Variants in MAGI3 observed in about 807,000 individuals in gnomAD.
MAGI3 encodes membrane associated guanylate kinase, WW and PDZ domain containing 3.
In MAGI3, 43 loss-of-function variants were observed where a neutral mutation model predicts 121.8. The ratio of observed to expected loss-of-function variants is 0.35; its 90% CI spans 0.28 to 0.46. MAGI3 has a LOEUF of 0.46. MAGI3 is among the 20% of genes least tolerant of loss of function. The pLI, the probability that MAGI3 is intolerant of heterozygous loss-of-function variation, is 1.00. For missense variants in MAGI3, 1,547 were observed against 1,797.3 expected (o/e 0.86, Z 2.52); for synonymous variants, 553 against 639.3 (o/e 0.86, Z 2.04).
intron 1 of MAGI3, among the ~76,000 whole-genome samples, chr1:113,514,179 A>C (rs1657766283): frequency 6.6e-6 from 1 of 152,224 alleles, no homozygotes; most frequent in African/African-American, 2.4e-5. Flanking sequence ...CATTGGTGGG[A>C]CTGTAAACTA....
chr1:113,557,465 C>T (rs892000312), intron 2 of MAGI3, among the ~76,000 whole-genome samples: 12 of 152,020 alleles, frequency 7.9e-5, no homozygotes, highest in African/African-American at 1.9e-4. Context: ...TTTCTTTAAG[C>T]GGGACTCTGA....
intron 8 of MAGI3, among the ~76,000 whole-genome samples, chr1:113,621,616 A>G (rs1221709213): frequency 1.3e-5 from 2 of 151,682 alleles, no homozygotes; most frequent in Non-Finnish European, 2.9e-5. Flanking sequence ...AATAGCCAAA[A>G]AGTGGAAATA....
chr1:113,621,949 A>G (rs1277671401), intron 8 of MAGI3, among the ~76,000 whole-genome samples: 1 of 152,056 alleles, frequency 6.6e-6, no homozygotes, highest in Non-Finnish European at 1.5e-5. Context: ...TAGGATATGG[A>G]TGTGGGTTGG....
chr1:113,530,186 C>T (rs1051789301), intron 1 of MAGI3, among the ~76,000 whole-genome samples: 1 of 151,984 alleles, frequency 6.6e-6, no homozygotes, highest in South Asian at 2.1e-4. Flanking sequence ...ATGACCATAG[C>T]CACAGTTTCT....
chr1:113,536,159 T>TAAA (rs71090707), intron 1 of MAGI3, among the ~76,000 whole-genome samples: 8,488 of 147,620 alleles, frequency 0.057, 273 homozygotes, highest in Non-Finnish European at 0.075. Context: ...TTTTTTTTTT[T>TAAA]AAAAAAATTT....
chr1:113,522,312 C>A (rs551825722), intron 1 of MAGI3, among the ~76,000 whole-genome samples: 1 of 152,282 alleles, frequency 6.6e-6, no homozygotes, highest in South Asian at 2.1e-4. Flanking sequence ...ACCATGTTGG[C>A]CAGGCTGGCC....
In MAGI3 at chr1:113,500,519, A is replaced by T. The variant is rs1657039301; in HGVS notation, c.317-48996A>T. Among the ~76,000 whole-genome samples the T allele has an allele frequency of 5.2e-5, 2 of 38,168 alleles. 1 individual carries two copies. The allele number at this position is 38,168 out of a possible 152,430, so 25.0% of individuals were successfully genotyped here. On this transcript the variant is annotated intron_variant, in intron 1 of 20. Transcript: ENST00000307546. ...ACTCTCCCAAGACTAAAACAGGAAG[A>T]AGTTGAATCTCTGAATGGACCAATA...
chr1:113,528,259 G>T (rs1658542887), intron 1 of MAGI3, among the ~76,000 whole-genome samples: 1 of 146,804 alleles, frequency 6.8e-6, no homozygotes, highest in South Asian at 2.1e-4. Flanking sequence ...TACCTCTTTA[G>T]TCTCTTTTGT....
intron 16 of MAGI3, among the ~76,000 whole-genome samples, chr1:113,662,511 C>T (rs1205914592): frequency 6.6e-6 from 1 of 152,066 alleles, no homozygotes; most frequent in Non-Finnish European, 1.5e-5. Context: ...TAAGAGTGAA[C>T]ATGACTTACC....
chr1:113,601,961 CT>C (rs1649415824), intron 6 of MAGI3, among the ~76,000 whole-genome samples: 4 of 151,644 alleles, frequency 2.6e-5, no homozygotes, highest in African/African-American at 9.7e-5. Flanking sequence ...TCTCAGTAAA[CT>C]ATCGCAAGAA....
intron 1 of MAGI3, among the ~76,000 whole-genome samples, chr1:113,455,957 C>A (rs548060175): frequency 1.4e-4 from 20 of 146,774 alleles, no homozygotes; most frequent in African/African-American, 5.0e-4. Flanking sequence ...TTTTCTCTCT[C>A]TTTTTTTTTT....
intron 1 of MAGI3, among the ~76,000 whole-genome samples, chr1:113,410,569 A>G (rs1651922510): frequency 6.6e-6 from 1 of 151,954 alleles, no homozygotes; most frequent in African/African-American, 2.4e-5. Context: ...TTTTCATACT[A>G]AATTGTCTCA....
chr1:113,541,154 G>A (rs1659273813), intron 1 of MAGI3, among the ~76,000 whole-genome samples: 1 of 152,200 alleles, frequency 6.6e-6, no homozygotes, highest in Non-Finnish European at 1.5e-5. Flanking sequence ...CATGTGTAAG[G>A]AAACCAGCAG....
chr1:113,486,748 C>T (rs1311293578), intron 1 of MAGI3, among the ~76,000 whole-genome samples: 1 of 150,010 alleles, frequency 6.7e-6, no homozygotes, highest in Non-Finnish European at 1.5e-5. Context: ...ACCTCCTGGG[C>T]TTGAGTGATC....
intron 1 of MAGI3, among the ~76,000 whole-genome samples, chr1:113,475,277 G>A (rs776241136): frequency 3.9e-5 from 6 of 152,120 alleles, no homozygotes; most frequent in Non-Finnish European, 7.3e-5. Flanking sequence ...ACACTGTGTC[G>A]AATAGGAGTG....
chr1:113,419,442 T>C (rs1440680046), intron 1 of MAGI3, among the ~76,000 whole-genome samples: 3 of 152,152 alleles, frequency 2.0e-5, no homozygotes, highest in African/African-American at 7.2e-5. Context: ...TCATTTCAAC[T>C]TGATATTGAG....
At position 113,511,519 on chromosome 1, in the gene MAGI3, G is replaced by A. The variant is rs548222063; in HGVS notation, c.317-37996G>A. Among the ~76,000 whole-genome samples, 23 of 152,348 alleles carry A rather than the reference G, an allele frequency of 1.5e-4. 1 individual carries two copies. The highest frequency in any genetic ancestry group is 3.3e-4 in the Admixed American group (5 of 15,302). On this transcript the variant is annotated intron_variant, in intron 1 of 20. Coordinates refer to ENST00000307546, the MANE Select transcript of MAGI3 (RefSeq NM_001142782.2). ...CCTGGTGTGGTCACAAGAGCACACCGAGCAGGGTATGGCAGGGGTTTTTAT... is the reference window on the plus strand; with the variant it reads ...CCTGGTGTGGTCACAAGAGCACACCAAGCAGGGTATGGCAGGGGTTTTTAT...
intron 6 of MAGI3, among the ~76,000 whole-genome samples, chr1:113,608,830 T>G (rs150477367): frequency 2.1e-4 from 32 of 152,338 alleles, no homozygotes; most frequent in Non-Finnish European, 3.5e-4. Context: ...AGGCTGAACA[T>G]ATGTCTTGGT....
intron 1 of MAGI3, among the ~76,000 whole-genome samples, chr1:113,530,776 C>T (rs1658676326): frequency 6.6e-6 from 1 of 151,806 alleles, no homozygotes; most frequent in African/African-American, 2.4e-5. Context: ...AAAAATAAGC[C>T]CTGGTGGTGT....
Sources: allele counts gnomAD v4.1 joint callset (sites outside exome capture counted in the v4.1 genomes callset), GRCh38; gene constraint gnomAD v4.1.1; transcripts MANE v1.5; gene names NCBI Gene and HGNC (gene_info 2026-07-23, HGNC 2026-07-21).